The following OVCH1 variants were observed in gnomAD, a reference collection of about 807,000 sequenced individuals.
The protein encoded by OVCH1 is ovochymase-1.
In OVCH1, 139 loss-of-function variants were observed where a neutral mutation model predicts 138.4. The ratio of observed to expected loss-of-function variants is 1.00; its 90% CI spans 0.87 to 1.16. OVCH1 has a LOEUF of 1.16. Ranked by LOEUF, OVCH1 falls within the 50% of genes most tolerant of loss-of-function variation. OVCH1 has a pLI of 0.00. For synonymous variants in OVCH1, 453 were observed against 467.8 expected (o/e 0.97, Z 0.41); for missense variants, 1,367 against 1,357.9 (o/e 1.01, Z -0.11).
At chr12:29,479,384 C>G (rs1054931968) in intron 8 of OVCH1, among the ~76,000 whole-genome samples, 1 of 152,120 alleles carries the variant, frequency 6.6e-6, no homozygotes, top group Admixed American at 6.6e-5. Context: ...CAAGGTCATC[C>G]TAAGTCACAG....
At chr12:29,402,825 G>A in the OVCH1 span, among the ~76,000 whole-genome samples, 1 of 152,202 alleles carries the variant, frequency 6.6e-6, no homozygotes, top group African/African-American at 2.4e-5. Context: ...AGGTGGGGAA[G>A]AGAGAGAAAA....
intron 8 of OVCH1, among the ~76,000 whole-genome samples, chr12:29,479,363 G>A (rs937746229): frequency 6.6e-6 from 1 of 152,102 alleles, no homozygotes; most frequent in South Asian, 2.1e-4. Context: ...ACCTTAAACA[G>A]CCACATATTC....
chr12:29,403,234 G>A, the OVCH1 span, among the ~76,000 whole-genome samples: 1 of 152,090 alleles, frequency 6.6e-6, no homozygotes, highest in African/African-American at 2.4e-5. Flanking sequence ...CTACAGAAAT[G>A]GCAGCTTAAT....
intron 7 of OVCH1, 86 bp from the exon 8 acceptor site, chr12:29,486,434 T>C: frequency 1.9e-6 from 2 of 1,076,414 alleles, no homozygotes; most frequent in Non-Finnish European, 2.7e-6. Flanking sequence ...TAAAAGAATA[T>C]GAAGAATTAT....
intron 3 of OVCH1, among the ~76,000 whole-genome samples, chr12:29,414,126 A>G (rs1425994323): frequency 6.6e-6 from 1 of 151,062 alleles, no homozygotes; most frequent in African/African-American, 2.4e-5. Flanking sequence ...TCCAGGTTCA[A>G]GTGATTCTCC....
rs961241427 is a variant in OVCH1 at position 29,445,200 on chromosome 12, A to G, written c.2881+78T>C. ...AACATAATTTCTTTCAAAATGTTGTATATGTTTGGAAATATTCCTAAATAG... is the reference window on the plus strand; with the variant it reads ...AACATAATTTCTTTCAAAATGTTGTGTATGTTTGGAAATATTCCTAAATAG... On this transcript the variant is annotated intron_variant, in intron 23 of 27. Transcript: ENST00000318184. 11 of 1,388,692 alleles carry G rather than the reference A, an allele frequency of 7.9e-6. No homozygotes were observed. In the African/African-American group the frequency reaches 1.2e-4, roughly 15 times the overall value. The allele number at this position is 1,388,692 out of a possible 1,614,324, so 86.0% of individuals were successfully genotyped here. A position where few individuals can be genotyped will look rare whatever the true frequency, so the allele number is the denominator to read the frequency against.
intron 1 of OVCH1, 117 bp from the exon 2 acceptor site, chr12:29,496,791 T>G: frequency 1.4e-6 from 1 of 693,192 alleles, no homozygotes; most frequent in African/African-American, 1.8e-5. Context: ...AGCACTTAGC[T>G]GCAGACTACC....
At chr12:29,468,205 G>GA (rs1399400274) in intron 16 of OVCH1, among the ~76,000 whole-genome samples, 1 of 152,146 alleles carries the variant, frequency 6.6e-6, no homozygotes, top group Non-Finnish European at 1.5e-5. Flanking sequence ...GACTTCTAGA[G>GA]AAAAATAGTG....
chr12:29,490,217 G>A (rs1017217141), intron 5 of OVCH1, among the ~76,000 whole-genome samples: 5 of 151,882 alleles, frequency 3.3e-5, no homozygotes, highest in Non-Finnish European at 5.9e-5. Context: ...GCATGCCACC[G>A]TGATTTGCTA....
At chr12:29,445,477 CA>C (rs879486202) in intron 22 of OVCH1, 74 bp from the exon 23 acceptor site, 318 of 1,402,574 alleles carry the variant, frequency 2.3e-4, no homozygotes, top group Non-Finnish European at 2.4e-4. Context: ...TTAGGCCGAG[CA>C]ATTAATTTAA....
intron 3 of OVCH1, among the ~76,000 whole-genome samples, chr12:29,418,885 G>T (rs770856607): frequency 1.2e-4 from 18 of 152,072 alleles, no homozygotes; most frequent in Middle Eastern, 3.2e-3. Context: ...TAGAGATATG[G>T]TATTGCACTA....
intron 27 of OVCH1, among the ~76,000 whole-genome samples, chr12:29,428,169 C>T (rs1389533330): frequency 6.6e-6 from 1 of 152,140 alleles, no homozygotes; most frequent in Non-Finnish European, 1.5e-5. Context: ...CAAAATACCA[C>T]TCTCCTCCCT....
At chr12:29,464,513 T>G (rs1490648834) in exon 18 of OVCH1, 4 of 1,613,256 alleles carry the variant, frequency 2.5e-6, no homozygotes, top group Non-Finnish European at 3.4e-6. Flanking sequence ...TTACCTGCAC[T>G]GATGCTTCCC....
intron 19 of OVCH1, among the ~76,000 whole-genome samples, chr12:29,459,518 G>A (rs1165632409): frequency 6.6e-6 from 1 of 151,974 alleles, no homozygotes; most frequent in Non-Finnish European, 1.5e-5. Context: ...GGGGAAGTGG[G>A]AATAATTAAT....
At position 29,491,094 on chromosome 12, in the gene OVCH1, T is replaced by C. The variant is rs1311930040; in HGVS notation, c.550+3A>G. The C allele has an allele frequency of 1.5e-5, 24 of 1,612,036 alleles. No individual in the cohort carries two copies. Among genetic ancestry groups the C allele is most frequent in the Non-Finnish European group, 1.9e-5 (22 of 1,178,310 alleles). ...AGTATTAAGTCATTTTGGTGTCTCT[T>C]ACTTTTGGAAATCTTGCCCCATCCA... On this transcript the variant is annotated splice_donor_region_variant and intron_variant, in intron 5 of 27. Coordinates refer to ENST00000318184, the Ensembl canonical transcript of OVCH1.
intron 27 of OVCH1, chr12:29,431,011 G>C: frequency 2.4e-6 from 1 of 420,104 alleles, no homozygotes; most frequent in Non-Finnish European, 4.7e-6. Context: ...TCCTCTCATG[G>C]AATATAGAAT....
chr12:29,496,101 CCTG>C, intron 3 of OVCH1, 77 bp downstream of exon 3: 7 of 1,282,904 alleles, frequency 5.5e-6, no homozygotes, highest in South Asian at 1.3e-5. Flanking sequence ...TGAGAATGAA[CCTG>C]CTATTTAGAG....
chr12:29,432,697 A>G (rs1033325973), intron 27 of OVCH1, among the ~76,000 whole-genome samples: 15 of 152,200 alleles, frequency 9.9e-5, no homozygotes, highest in African/African-American at 2.9e-4. Flanking sequence ...GGGTGAGATC[A>G]CTAAGGAAGG....
rs763457309 is a variant in OVCH1, at chr12:29,496,592, A to G, written c.147T>C (p.Ser49=). The G allele has an allele frequency of 5.6e-6, 9 of 1,613,490 alleles. 1 individual carries two copies. In the South Asian group the frequency reaches 8.8e-5, roughly 16 times the overall value. The change falls in exon 2 of 28, where the codon AGT becomes AGC. Residue 49 remains serine, a synonymous_variant. Coordinates refer to ENST00000318184, the Ensembl canonical transcript of OVCH1. ...GTCCAGTCACTGTTGAATTTCTCCAACTACTAATTCTAGAGAAGAATCTAG... is the reference window on the plus strand; with the variant it reads ...GTCCAGTCACTGTTGAATTTCTCCAGCTACTAATTCTAGAGAAGAATCTAG...
Sources: gnomAD v4.1 joint callset for allele counts (sites outside exome capture counted in the v4.1 genomes callset) on GRCh38, gnomAD v4.1.1 for gene constraint, MANE v1.5 for transcripts, NCBI Gene and HGNC (gene_info 2026-07-23, HGNC 2026-07-21) for gene names.